The following MAP3K15 variants were observed in gnomAD, a reference collection of about 807,000 sequenced individuals.
MAP3K15 encodes the protein MAPK/ERK kinase kinase 15.
Under a neutral mutation model 99.5 loss-of-function variants are expected in MAP3K15, and 124 were observed. The ratio of observed to expected loss-of-function variants is 1.25; its 90% confidence interval spans 1.08 to 1.45. MAP3K15 has a LOEUF of 1.45. Ranked by LOEUF, MAP3K15 falls within the 40% of genes most tolerant of loss-of-function variation. The probability of loss-of-function intolerance (pLI) is 0.00; values close to 1 mark genes in which losing one functional copy is unlikely to be tolerated. For synonymous variants in MAP3K15, 494 were observed against 439.6 expected (o/e 1.12, Z -1.55); for missense variants, 1,242 against 1,079.7 (o/e 1.15, Z -2.11).
chrX:19,490,457 A>G (rs1290614855), intron 1 of MAP3K15, among the ~76,000 whole-genome samples: 1 of 110,780 alleles, frequency 9.0e-6, no homozygotes, highest in Non-Finnish European at 1.9e-5. Context: ...ACAACATATA[A>G]CGTGCCCTGG....
intron 16 of MAP3K15, among the ~76,000 whole-genome samples, chrX:19,393,698 G>A (rs752684694): frequency 2.2e-4 from 24 of 107,442 alleles, no homozygotes; most frequent in Non-Finnish European, 4.2e-4. Context: ...CCAACTTAAG[G>A]GAAAGACAAA....
chrX:19,360,840 A>C lies in MAP3K15; in HGVS notation c.3858-7T>G. 1 of 1,187,570 alleles carries C rather than the reference A, an allele frequency of 8.4e-7. No homozygotes were observed. On this transcript the variant is annotated splice_polypyrimidine_tract_variant and splice_region_variant and intron_variant, in intron 28 of 28. Transcript: ENST00000338883. ...TCTGCAGAGGAGACCACCCCTGGGAAACAAACACAGCTGTCTTCAGAGTCA... is the reference window on the plus strand; with the variant it reads ...TCTGCAGAGGAGACCACCCCTGGGACACAAACACAGCTGTCTTCAGAGTCA...
At chrX:19,498,005 A>G (rs1265220973) in intron 1 of MAP3K15, among the ~76,000 whole-genome samples, 1 of 111,729 alleles carries the variant, frequency 9.0e-6, no homozygotes, top group East Asian at 2.8e-4. Context: ...TTTTTTATTT[A>G]ACTAAATAAC....
chrX:19,383,264 C>A (rs1231981075), intron 18 of MAP3K15, among the ~76,000 whole-genome samples: 4 of 112,231 alleles, frequency 3.6e-5, no homozygotes, highest in South Asian at 3.7e-4. Context: ...CTATTAAATT[C>A]TCTCCATGGA....
intron 3 of MAP3K15, among the ~76,000 whole-genome samples, chrX:19,475,435 T>C (rs1944441877): frequency 9.0e-6 from 1 of 110,918 alleles, no homozygotes; most frequent in Admixed American, 9.6e-5. Flanking sequence ...GGACCCTTGC[T>C]TTAAAACATA....
In MAP3K15 at chrX:19,515,354, G is replaced by T; in HGVS notation, c.-93C>A. ...TACAGCAGCCGCGCAGGCGGTCCCG[G>T]CACCTGCTCCTGAAGCGCGGGACGC... On this transcript the variant is annotated 5_prime_UTR_variant, in exon 1 of 29. Coordinates refer to ENST00000338883, the MANE Select transcript of MAP3K15 (RefSeq NM_001001671.4). 1.8e-6 allele frequency: 1 copy of T among 541,810 alleles called. No homozygotes were observed. The highest frequency in any genetic ancestry group is 2.3e-6 in the Non-Finnish European group (1 of 434,854). The allele number at this position is 541,810 out of a possible 1,213,427, so 44.7% of individuals were successfully genotyped here.
chrX:19,376,923 C>T (rs1235843089), intron 19 of MAP3K15: 3 of 110,712 alleles, frequency 2.7e-5, no homozygotes, highest in Non-Finnish European at 5.7e-5. Flanking sequence ...GTCCAAAACA[C>T]CAGTCATACT....
intron 11 of MAP3K15, among the ~76,000 whole-genome samples, 192 bp downstream of exon 11, chrX:19,413,165 C>T (rs1413592674): frequency 9.3e-6 from 1 of 108,015 alleles, no homozygotes; most frequent in Non-Finnish European, 1.9e-5. Context: ...CACACCTCAC[C>T]ACATGCCCAC....
At chrX:19,447,891 A>AAAAAAAAG (rs2064011925) in intron 6 of MAP3K15, among the ~76,000 whole-genome samples, 2 of 93,698 alleles carry the variant, frequency 2.1e-5, no homozygotes, top group Non-Finnish European at 4.3e-5. Flanking sequence ...CTCAAAAAAA[A>AAAAAAAAG]AAAAAAAAAA....
intron 13 of MAP3K15, among the ~76,000 whole-genome samples, chrX:19,402,828 C>A (rs2063618341): frequency 9.0e-6 from 1 of 111,201 alleles, no homozygotes; most frequent in Non-Finnish European, 1.9e-5. Flanking sequence ...CCACGCCCAG[C>A]TAATTTTTTT....
chrX:19,482,556 T>C (rs779042553), intron 3 of MAP3K15, among the ~76,000 whole-genome samples: 1 of 111,960 alleles, frequency 8.9e-6, no homozygotes, highest in South Asian at 3.7e-4. Flanking sequence ...GGCAAGTCTA[T>C]AAGACAAAAA....
At chrX:19,384,577 T>TA (rs2147235394) in intron 18 of MAP3K15, among the ~76,000 whole-genome samples, 2 of 106,818 alleles carry the variant, frequency 1.9e-5, no homozygotes, top group Non-Finnish European at 1.9e-5. Flanking sequence ...CCATCTCTAC[T>TA]AAAAAAGTAC....
chrX:19,396,385 T>C lies in MAP3K15; in HGVS notation c.2067-1177A>G, dbSNP rs748790864. 4.5e-5 allele frequency among the ~76,000 whole-genome samples: 5 copies of C among 111,966 alleles called. No homozygotes were observed. In the South Asian group the frequency reaches 1.9e-3, roughly 42 times the overall value. ...AGCTATTGCTACCAAATGAAGGAGA[T>C]GGGACATGCCAGAAATTTCCCCAAA... On this transcript the variant is annotated intron_variant, in intron 15 of 28. Transcript: ENST00000338883.
In MAP3K15 at chrX:19,514,884, G is replaced by A. The variant is rs774519355; in HGVS notation, c.361+17C>T. ...GTAGGTGAACTGGGACTGAGGTGGG[G>A]ACGAAGCCGCTCTCACCTGCGTCGT... On this transcript the variant is annotated intron_variant, in intron 1 of 28. Transcript: ENST00000338883. The A allele has an allele frequency of 9.5e-7, 1 of 1,056,730 alleles. No homozygotes were observed. The highest frequency in any genetic ancestry group is 2.1e-5 in the South Asian group (1 of 48,392). 87.1% of individuals were successfully genotyped at this position (1,056,730 alleles called of 1,213,427 possible). A position where few individuals can be genotyped will look rare whatever the true frequency, so the allele number is the denominator to read the frequency against.
chrX:19,438,382 G>A (rs1348429190), intron 6 of MAP3K15, among the ~76,000 whole-genome samples: 5 of 112,086 alleles, frequency 4.5e-5, no homozygotes, highest in Admixed American at 9.5e-5. Context: ...TGCTGAGACT[G>A]CAGGCATGAG....
In MAP3K15 at chrX:19,379,419, T is replaced by C. The variant is rs1397379701; in HGVS notation, c.2589+701A>G. On this transcript the variant is annotated intron_variant, in intron 19 of 28. Transcript: ENST00000338883. ...CCAAAACTACCTACTGTCTTAAAGATATGAGAAGTTTAGTGTTTTTCCTTT... is the reference window on the plus strand; with the variant it reads ...CCAAAACTACCTACTGTCTTAAAGACATGAGAAGTTTAGTGTTTTTCCTTT... Among the ~76,000 whole-genome samples, 8 of 105,754 alleles carry C rather than the reference T, an allele frequency of 7.6e-5. No individual in the cohort carries two copies. The Admixed American group carries it at 8.2e-4, about 11-fold the overall frequency. The allele number at this position is 105,754 out of a possible 115,157, so 91.8% of individuals were successfully genotyped here. A position where few individuals can be genotyped will look rare whatever the true frequency, so the allele number is the denominator to read the frequency against.
At chrX:19,391,704 A>G (rs2063529303) in intron 18 of MAP3K15, among the ~76,000 whole-genome samples, 2 of 108,923 alleles carry the variant, frequency 1.8e-5, no homozygotes, top group African/African-American at 6.6e-5. Context: ...AAAGAAAGAA[A>G]AAAAGAAAAA....
At chrX:19,507,937 A>C (rs1252202745) in intron 1 of MAP3K15, among the ~76,000 whole-genome samples, 1 of 112,298 alleles carries the variant, frequency 8.9e-6, no homozygotes, top group Admixed American at 9.5e-5. Context: ...GCACGATCTC[A>C]GCTCACTGCA....
At chrX:19,373,821 T>C in intron 20 of MAP3K15, 126 bp from the exon 21 acceptor site, 2 of 739,656 alleles carry the variant, frequency 2.7e-6, no homozygotes, top group Non-Finnish European at 3.9e-6. Flanking sequence ...GAAATGTGGG[T>C]TGGGCGGGGG....
Sources: allele counts gnomAD v4.1 joint callset (sites outside exome capture counted in the v4.1 genomes callset), GRCh38; gene constraint gnomAD v4.1.1; transcripts MANE v1.5; gene names NCBI Gene and HGNC (gene_info 2026-07-23, HGNC 2026-07-21).